Variants in NCOA3 observed in about 807,000 individuals in gnomAD.
NCOA3 encodes nuclear receptor coactivator 3.
Under a neutral mutation model 158.8 loss-of-function variants are expected in NCOA3, and 51 were observed. The observed-to-expected ratio is 0.32, with a 90% CI of 0.26 to 0.41. NCOA3 has a LOEUF of 0.41. Among genes scored for constraint, NCOA3 ranks in the 10% least tolerant of loss-of-function variants. NCOA3 has a pLI of 1.00. For synonymous variants in NCOA3, 537 were observed against 592.4 expected (o/e 0.91, Z 1.36); for missense variants, 1,510 against 1,746.6 (o/e 0.86, Z 2.41).
chr20:47,654,636 T>A lies in NCOA3; in HGVS notation c.*1219T>A, dbSNP rs1038191981. Reference sequence around the variant, plus strand: ...TGCCTCGCTCTTTTCAATCTCTTAATCTAAATGCTTTTTAAAGAGATTATT... The same window carrying A: ...TGCCTCGCTCTTTTCAATCTCTTAAACTAAATGCTTTTTAAAGAGATTATT... On this transcript the variant is annotated 3_prime_UTR_variant, in exon 23 of 23. Transcript: ENST00000371998. 1 of 152,562 alleles carries A rather than the reference T, an allele frequency of 6.6e-6. No homozygotes were observed. The highest frequency in any genetic ancestry group is 1.5e-5 in the Non-Finnish European group (1 of 68,044). The allele number at this position is 152,562 out of a possible 1,614,324, so 9.5% of individuals were successfully genotyped here. A position where few individuals can be genotyped will look rare whatever the true frequency, so the allele number is the denominator to read the frequency against.
chr20:47,545,628 G>GT (rs377629080), intron 1 of NCOA3, among the ~76,000 whole-genome samples: 150 of 144,188 alleles, frequency 1.0e-3, no homozygotes, highest in Non-Finnish European at 1.6e-3. Flanking sequence ...TCTTAGTGCT[G>GT]TTTTTTTTTT....
chr20:47,553,318 A>C (rs1167218782), intron 1 of NCOA3, among the ~76,000 whole-genome samples: 1 of 151,996 alleles, frequency 6.6e-6, no homozygotes, highest in Non-Finnish European at 1.5e-5. Flanking sequence ...CTCCTAAAGC[A>C]TTTTCATCTC....
intron 1 of NCOA3, among the ~76,000 whole-genome samples, chr20:47,508,331 A>G (rs1602314316): frequency 2.0e-5 from 3 of 152,336 alleles, no homozygotes; most frequent in African/African-American, 7.2e-5. Context: ...CATTCTTTTA[A>G]ATAGATGTTC....
rs755618171 is a variant in NCOA3, at chr20:47,636,754, A to G, written c.2368A>G (p.Ser790Gly). The stretch of plus-strand genomic sequence containing the variant: ...AGACCCTAAAATTAAGACAGAGACA[A>G]GTGAAGAGGTAATTTGTTTTCTGTA... ...EKDPKIKTET[S>G]EEGSGDLDNL... is the part of the protein sequence containing the mutation. Residue 790 changes from serine to glycine, a missense_variant, in exon 12 of 23, where the codon AGT (serine) becomes GGT (glycine). By Grantham distance (56) the Ser-to-Gly change is moderately conservative (BLOSUM62 0). This residue lies in a region of NCOA3 where 1,017 missense variants were observed against 1,098.3 expected (regional missense o/e 0.93). Coordinates refer to ENST00000371998, the MANE Select transcript of NCOA3 (RefSeq NM_181659.3). 4.4e-6 allele frequency: 7 copies of G among 1,604,948 alleles called. No homozygotes were observed. The highest frequency in any genetic ancestry group is 2.7e-5 in the African/African-American group (2 of 74,554).
chr20:47,538,285 A>G (rs2084667394), intron 1 of NCOA3, among the ~76,000 whole-genome samples: 1 of 152,188 alleles, frequency 6.6e-6, no homozygotes, highest in Non-Finnish European at 1.5e-5. Flanking sequence ...TTTGGTCTGG[A>G]CTGCTATAGT....
rs561320511 is a variant in NCOA3, at chr20:47,522,875, CTT to C, written c.-99+20859_-99+20860del. 1.1e-3 allele frequency among the ~76,000 whole-genome samples: 160 copies of C among 149,578 alleles called. 1 individual carries two copies. Among genetic ancestry groups the C allele is most frequent in the African/African-American group, 3.7e-3 (149 of 40,302 alleles). ...CTAAGAGCTGAGGCTTTACGAGAAACTTTTCCAGAGATGCTTTAAAAAAAAAA... is the reference window on the plus strand; with the variant it reads ...CTAAGAGCTGAGGCTTTACGAGAAACTTCCAGAGATGCTTTAAAAAAAAAA... On this transcript the variant is annotated intron_variant, in intron 1 of 22. Transcript: ENST00000371998.
chr20:47,645,527 T>C (rs2086673441), intron 17 of NCOA3, among the ~76,000 whole-genome samples: 1 of 152,226 alleles, frequency 6.6e-6, no homozygotes, highest in African/African-American at 2.4e-5. Context: ...AATATGGAAA[T>C]ACTTGATCTT....
chr20:47,508,861 A>G (rs766772052), intron 1 of NCOA3, among the ~76,000 whole-genome samples: 15 of 152,200 alleles, frequency 9.9e-5, no homozygotes, highest in Non-Finnish European at 2.1e-4. Flanking sequence ...AATAATTTGT[A>G]AGCATGTGCT....
intron 1 of NCOA3, among the ~76,000 whole-genome samples, chr20:47,511,076 TG>T (rs2084115482): frequency 6.6e-6 from 1 of 152,006 alleles, no homozygotes. Flanking sequence ...GACCTCCAAG[TG>T]TGCACAATCA....
chr20:47,647,997 C>T (rs2086719896), intron 18 of NCOA3, among the ~76,000 whole-genome samples: 1 of 151,282 alleles, frequency 6.6e-6, no homozygotes, highest in Non-Finnish European at 1.5e-5. Context: ...TTACTGCAAC[C>T]TCCACCTTCT....
intron 4 of NCOA3, among the ~76,000 whole-genome samples, chr20:47,624,804 G>T (rs190794566): frequency 2.6e-5 from 4 of 152,190 alleles, no homozygotes; most frequent in African/African-American, 9.6e-5. Context: ...ATGGTGTCTC[G>T]CTTTGTCTCT....
intron 1 of NCOA3, among the ~76,000 whole-genome samples, chr20:47,514,978 C>T (rs958243778): frequency 6.6e-6 from 1 of 151,280 alleles, no homozygotes; most frequent in African/African-American, 2.4e-5. Context: ...AGCCACCACA[C>T]CCAGCCTCTT....
chr20:47,616,062 G>A (rs1242975824), intron 2 of NCOA3, among the ~76,000 whole-genome samples: 1 of 151,800 alleles, frequency 6.6e-6, no homozygotes, highest in Non-Finnish European at 1.5e-5. Context: ...GGAGGCTGAG[G>A]CAGGAGAATT....
At chr20:47,563,273 A>G (rs1174331256) in intron 1 of NCOA3, among the ~76,000 whole-genome samples, 1 of 152,240 alleles carries the variant, frequency 6.6e-6, no homozygotes, top group African/African-American at 2.4e-5. Context: ...AATTACAACA[A>G]AATTATTTGT....
At chr20:47,579,248 G>A (rs1361615226) in intron 1 of NCOA3, among the ~76,000 whole-genome samples, 1 of 152,224 alleles carries the variant, frequency 6.6e-6, no homozygotes, top group African/African-American at 2.4e-5. Context: ...TGGCGTTACA[G>A]GTGTGCGCTG....
intron 1 of NCOA3, among the ~76,000 whole-genome samples, chr20:47,560,111 G>C (rs555800861): frequency 1.3e-5 from 2 of 152,040 alleles, no homozygotes; most frequent in African/African-American, 4.8e-5. Context: ...AGACAGTTTC[G>C]CTCTGTTGCC....
intron 1 of NCOA3, among the ~76,000 whole-genome samples, chr20:47,560,679 A>C (rs567754949): frequency 3.3e-5 from 5 of 152,136 alleles, no homozygotes; most frequent in African/African-American, 9.7e-5. Flanking sequence ...CTTATTTGCT[A>C]TATGTGTATC....
chr20:47,560,845 T>A (rs1423743445), intron 1 of NCOA3, among the ~76,000 whole-genome samples: 1 of 152,138 alleles, frequency 6.6e-6, no homozygotes, highest in East Asian at 1.9e-4. Context: ...TTTTTTTATT[T>A]CAATAATTTT....
At chr20:47,553,856 C>T (rs1385796314) in intron 1 of NCOA3, among the ~76,000 whole-genome samples, 1 of 152,120 alleles carries the variant, frequency 6.6e-6, no homozygotes, top group Non-Finnish European at 1.5e-5. Flanking sequence ...CCGCAATAAA[C>T]ATATGTGTGC....
Sources: gnomAD v4.1 joint callset for allele counts (sites outside exome capture counted in the v4.1 genomes callset) on GRCh38, gnomAD v4.1.1 for gene constraint, gnomAD v4.1.1 regional missense constraint, MANE v1.5 for transcripts, NCBI Gene and HGNC (gene_info 2026-07-23, HGNC 2026-07-21) for gene names.